Variants in ST13 observed in about 807,000 individuals in gnomAD.
ST13 encodes ST13 Hsp70 interacting protein, also known as hsc70-interacting protein.
Under a neutral mutation model 56.7 loss-of-function variants are expected in ST13, and 23 were observed. The ratio of observed to expected loss-of-function variants is 0.41; its 90% confidence interval spans 0.29 to 0.57. The LOEUF (loss-of-function observed/expected upper bound fraction) is 0.57. ST13 is among the 20% of genes least tolerant of loss of function. The pLI, the probability that ST13 is intolerant of heterozygous loss-of-function variation, is 0.36. For missense variants in ST13, 369 were observed against 459.9 expected (o/e 0.80, Z 1.81); for synonymous variants, 132 against 142.4 (o/e 0.93, Z 0.52).
At chr22:40,843,371 CAA>C (rs900646902) in intron 4 of ST13, among the ~76,000 whole-genome samples, 5 of 151,926 alleles carry the variant, frequency 3.3e-5, no homozygotes, top group Non-Finnish European at 7.4e-5. Context: ...CAAGAACAGC[CAA>C]AAGACTAAAA....
chr22:40,845,152 CTAGTAT>C (rs1267411685), intron 3 of ST13, among the ~76,000 whole-genome samples: 1 of 152,084 alleles, frequency 6.6e-6, no homozygotes. Context: ...TGTGCAGTTT[CTAGTAT>C]TACACATAAA....
At position 40,824,774 on chromosome 22, in the gene ST13, T is replaced by G. The variant is rs369794843; in HGVS notation, c.*1764A>C. ...CACATTAACAAAAGAACACACAAGC[T>G]CAAATGCAAGTTTATATGGTGAGTG... On this transcript the variant is annotated 3_prime_UTR_variant, in exon 12 of 12. Coordinates refer to ENST00000216218, the MANE Select transcript of ST13 (RefSeq NM_003932.5). The G allele has an allele frequency of 1.3e-5, 2 of 152,192 alleles. No homozygotes were observed. The highest frequency in any genetic ancestry group is 1.9e-4 in the East Asian group (1 of 5,198). 9.4% of individuals were successfully genotyped at this position (152,192 alleles called of 1,614,324 possible). A position where few individuals can be genotyped will look rare whatever the true frequency, so the allele number is the denominator to read the frequency against.
In ST13 at chr22:40,856,581, G is replaced by T; in HGVS notation, c.-41C>A. On this transcript the variant is annotated 5_prime_UTR_variant, in exon 1 of 12. Coordinates refer to ENST00000216218, the MANE Select transcript of ST13 (RefSeq NM_003932.5). ...GGCGAAACTGGGGGGGCTACGGCCC[G>T]GTTCCAGGCCCAGGCGCTGGCTCGG... 6.4e-7 allele frequency: 1 copy of T among 1,552,268 alleles called. No homozygotes were observed. The highest frequency in any genetic ancestry group is 8.9e-7 in the Non-Finnish European group (1 of 1,126,606).
intron 2 of ST13, among the ~76,000 whole-genome samples, chr22:40,848,689 G>A (rs1431276619): frequency 6.6e-6 from 1 of 152,192 alleles, no homozygotes; most frequent in Non-Finnish European, 1.5e-5. Flanking sequence ...GTGGCAGTGA[G>A]CTGAGATCAT....
intron 7 of ST13, 93 bp from the exon 8 acceptor site, chr22:40,832,764 A>G: frequency 2.1e-6 from 2 of 958,498 alleles, no homozygotes; most frequent in Middle Eastern, 2.8e-4. Flanking sequence ...GGATTGTTCT[A>G]AAACAGGCTT....
At chr22:40,851,067 A>G (rs1361640153) in intron 1 of ST13, among the ~76,000 whole-genome samples, 187 bp from the exon 2 acceptor site, 1 of 152,190 alleles carries the variant, frequency 6.6e-6, no homozygotes, top group Non-Finnish European at 1.5e-5. Context: ...CTTAAAATTT[A>G]TTTTAAGGCT....
chr22:40,844,905 A>C lies in ST13; in HGVS notation c.249T>G (p.Ile83Met), dbSNP rs149684265. The change falls in exon 4 of 12, where the codon ATT becomes ATG. Residue 83 changes from isoleucine (I) to methionine (M), a missense_variant. Physicochemically the swap from Ile to Met is conservative, Grantham distance 10. Coordinates refer to ENST00000216218, the MANE Select transcript of ST13 (RefSeq NM_003932.5). ...EPSSEESDLE[I>M]DKEGVIEPDT... ...CTGGTTCAATCACACCTTCTTTATC[A>C]ATTTCTGCCAAAGTCGAGAAAATGA... 1 of 1,612,280 alleles carries C rather than the reference A, an allele frequency of 6.2e-7. No individual in the cohort carries two copies. The highest frequency in any genetic ancestry group is 1.3e-5 in the African/African-American group (1 of 74,968).
intron 1 of ST13, among the ~76,000 whole-genome samples, chr22:40,856,023 A>G (rs1270874157): frequency 2.6e-5 from 4 of 152,202 alleles, no homozygotes; most frequent in Non-Finnish European, 5.9e-5. Flanking sequence ...TTATTATAAC[A>G]CGACGTAAAG....
intron 5 of ST13, among the ~76,000 whole-genome samples, chr22:40,837,062 C>A (rs1462752328): frequency 6.6e-6 from 1 of 152,238 alleles, no homozygotes; most frequent in Non-Finnish European, 1.5e-5. Flanking sequence ...GTAATCCCCC[C>A]AACTCAGCCT....
intron 4 of ST13, 122 bp downstream of exon 4, chr22:40,844,717 C>A: frequency 1.3e-6 from 1 of 744,088 alleles, no homozygotes; most frequent in Non-Finnish European, 2.2e-6. Flanking sequence ...GCCTAAAACG[C>A]CTGAAGTCAG....
At chr22:40,828,186 T>C (rs887307816) in intron 10 of ST13, among the ~76,000 whole-genome samples, 4 of 152,140 alleles carry the variant, frequency 2.6e-5, no homozygotes, top group Non-Finnish European at 5.9e-5. Context: ...AATAATGCTC[T>C]AGCAAAAAGG....
In ST13 at chr22:40,856,595, G is replaced by A; in HGVS notation, c.-55C>T. The A allele has an allele frequency of 2.0e-6, 3 of 1,488,186 alleles. No individual in the cohort carries two copies. Among genetic ancestry groups the A allele is most frequent in the Non-Finnish European group, 9.4e-7 (1 of 1,069,292 alleles). 92.2% of individuals were successfully genotyped at this position (1,488,186 alleles called of 1,614,324 possible). A position where few individuals can be genotyped will look rare whatever the true frequency, so the allele number is the denominator to read the frequency against. ...GGCTACGGCCCGGTTCCAGGCCCAG[G>A]CGCTGGCTCGGCGTGACCGCGCAGA... On this transcript the variant is annotated 5_prime_UTR_variant, in exon 1 of 12. Coordinates refer to ENST00000216218, the MANE Select transcript of ST13 (RefSeq NM_003932.5).
intron 8 of ST13, 45 bp downstream of exon 8, chr22:40,832,524 T>TG (rs749745481): frequency 3.6e-6 from 5 of 1,387,048 alleles, no homozygotes; most frequent in East Asian, 2.3e-5. Flanking sequence ...ACTACAGCGA[T>TG]GGAGTATTTA....
chr22:40,843,994 T>C (rs1028583599), intron 4 of ST13, among the ~76,000 whole-genome samples: 1 of 152,032 alleles, frequency 6.6e-6, no homozygotes, highest in African/African-American at 2.4e-5. Flanking sequence ...GTGATTCTCC[T>C]GCCTCAGCCT....
chr22:40,854,675 A>G (rs1331183754), intron 1 of ST13: 1 of 152,158 alleles, frequency 6.6e-6, no homozygotes, highest in African/African-American at 2.4e-5. Context: ...CATTGTATCC[A>G]CTTAATGTAA....
chr22:40,836,102 C>T (rs1407956761), intron 5 of ST13, among the ~76,000 whole-genome samples: 1 of 152,170 alleles, frequency 6.6e-6, no homozygotes, highest in Non-Finnish European at 1.5e-5. Flanking sequence ...AGTACGTAAG[C>T]CCCTAACTAA....
At chr22:40,830,391 C>T (rs1281767781) in intron 9 of ST13, among the ~76,000 whole-genome samples, 13 of 152,180 alleles carry the variant, frequency 8.5e-5, no homozygotes, top group Non-Finnish European at 4.4e-5. Flanking sequence ...AACTCCTGGG[C>T]TCAAGTGAAC....
chr22:40,841,500 C>A (rs2057804295), intron 4 of ST13, among the ~76,000 whole-genome samples: 1 of 152,124 alleles, frequency 6.6e-6, no homozygotes, highest in South Asian at 2.1e-4. Context: ...CTTTGGGAGG[C>A]TGAGGCAGGT....
chr22:40,855,131 C>G (rs1320287416), intron 1 of ST13, among the ~76,000 whole-genome samples: 1 of 152,108 alleles, frequency 6.6e-6, no homozygotes, highest in Admixed American at 6.6e-5. Flanking sequence ...ATTCTTTGAG[C>G]TATTTGGTAA....
Sources: allele counts gnomAD v4.1 joint callset (sites outside exome capture counted in the v4.1 genomes callset), GRCh38; gene constraint gnomAD v4.1.1; transcripts MANE v1.5; gene names NCBI Gene and HGNC (gene_info 2026-07-23, HGNC 2026-07-21).